Variants in PLXDC2 observed in about 807,000 individuals in gnomAD.
PLXDC2 encodes plexin domain-containing protein 2.
In PLXDC2, 40 loss-of-function variants were observed where a neutral mutation model predicts 68.9. The ratio of observed to expected loss-of-function variants is 0.58; its 90% CI spans 0.45 to 0.76. PLXDC2 has a LOEUF of 0.76. Among genes scored for constraint, PLXDC2 ranks in the 30% least tolerant of loss-of-function variants. The probability of loss-of-function intolerance (pLI) is 0.00; values close to 1 mark genes in which losing one functional copy is unlikely to be tolerated. For missense variants in PLXDC2, 644 were observed against 661.9 expected (o/e 0.97, Z 0.30); for synonymous variants, 243 against 234.2 (o/e 1.04, Z -0.34).
chr10:19,890,544 T>G (rs1486214950), intron 1 of PLXDC2, among the ~76,000 whole-genome samples: 2 of 149,222 alleles, frequency 1.3e-5, no homozygotes, highest in Non-Finnish European at 3.0e-5. Flanking sequence ...GAGACGGGGT[T>G]TTTTTTTTTT....
chr10:20,044,819 A>C (rs767551688), intron 2 of PLXDC2, among the ~76,000 whole-genome samples: 1 of 152,168 alleles, frequency 6.6e-6, no homozygotes, highest in Non-Finnish European at 1.5e-5. Flanking sequence ...AACCACTGTG[A>C]CCAGTGTAAT....
chr10:20,117,657 A>T (rs1331186903), intron 4 of PLXDC2, among the ~76,000 whole-genome samples: 1 of 152,198 alleles, frequency 6.6e-6, no homozygotes, highest in Admixed American at 6.5e-5. Context: ...AGCAGTAAGA[A>T]TAGGATGGAA....
intron 9 of PLXDC2, among the ~76,000 whole-genome samples, chr10:20,189,436 C>A (rs898795947): frequency 1.8e-5 from 2 of 112,174 alleles, no homozygotes; most frequent in Non-Finnish European, 3.6e-5. Context: ...ATAAAACCAT[C>A]GATAAACAAA....
chr10:19,998,479 G>T (rs534494226), intron 1 of PLXDC2, among the ~76,000 whole-genome samples: 1 of 152,060 alleles, frequency 6.6e-6, no homozygotes, highest in South Asian at 2.1e-4. Flanking sequence ...CTCTATGCAC[G>T]ACCAGGTAGC....
At chr10:20,164,339 T>C (rs1834344314) in intron 6 of PLXDC2, 129 bp from the exon 7 acceptor site, 1 of 742,404 alleles carries the variant, frequency 1.3e-6, no homozygotes, top group Non-Finnish European at 2.3e-6. Context: ...TTCTAATACC[T>C]TTGACTCCCT....
chr10:19,857,311 C>A (rs572925682), intron 1 of PLXDC2, among the ~76,000 whole-genome samples: 1 of 152,242 alleles, frequency 6.6e-6, no homozygotes, highest in African/African-American at 2.4e-5. Flanking sequence ...GAACTAAATC[C>A]TCTCTCGCTG....
chr10:20,137,348 T>A (rs1468740524), intron 4 of PLXDC2, among the ~76,000 whole-genome samples: 3 of 152,220 alleles, frequency 2.0e-5, no homozygotes, highest in Admixed American at 2.0e-4. Context: ...GTTAGGTAAC[T>A]GAGGTACACA....
intron 5 of PLXDC2, among the ~76,000 whole-genome samples, chr10:20,145,358 A>G (rs545859699): frequency 5.1e-4 from 78 of 152,186 alleles, no homozygotes; most frequent in Non-Finnish European, 1.0e-3. Flanking sequence ...ATACCACAAC[A>G]ACTTGCTGAA....
intron 1 of PLXDC2, among the ~76,000 whole-genome samples, chr10:19,925,953 G>T (rs764082778): frequency 2.6e-5 from 4 of 152,166 alleles, no homozygotes; most frequent in Non-Finnish European, 5.9e-5. Context: ...TTGATCCGCT[G>T]GCATTAGAGA....
chr10:19,891,731 T>C (rs1467659), intron 1 of PLXDC2, among the ~76,000 whole-genome samples: 34,590 of 152,172 alleles, frequency 0.23, 4,843 homozygotes, highest in African/African-American at 0.38. Flanking sequence ...GCTTGTAGAT[T>C]AATTTCGTTT....
chr10:19,997,754 G>A (rs1229936513), intron 1 of PLXDC2, among the ~76,000 whole-genome samples: 2 of 152,080 alleles, frequency 1.3e-5, no homozygotes, highest in African/African-American at 4.8e-5. Flanking sequence ...TATATATGAG[G>A]ATACACATGA....
At chr10:20,223,972 ATTTTTTT>A (rs10561584) in intron 12 of PLXDC2, among the ~76,000 whole-genome samples, 4 of 133,450 alleles carry the variant, frequency 3.0e-5, no homozygotes, top group Admixed American at 7.6e-5. Flanking sequence ...CCTAGAATGT[ATTTTTTT>A]TTTTTTTTTT....
chr10:20,032,492 C>T (rs1344445213), intron 2 of PLXDC2, among the ~76,000 whole-genome samples: 3 of 152,092 alleles, frequency 2.0e-5, no homozygotes, highest in Non-Finnish European at 4.4e-5. Flanking sequence ...GATTACTCTA[C>T]TATGTAGAGA....
chr10:19,835,996 A>AC (rs1372378303), intron 1 of PLXDC2, among the ~76,000 whole-genome samples: 6 of 151,910 alleles, frequency 3.9e-5, no homozygotes, highest in African/African-American at 1.5e-4. Context: ...ACAAAGTGAG[A>AC]CCCCATCTCT....
At chr10:20,190,800 C>T (rs1450235301) in intron 9 of PLXDC2, among the ~76,000 whole-genome samples, 1 of 151,788 alleles carries the variant, frequency 6.6e-6, no homozygotes, top group African/African-American at 2.4e-5. Context: ...CAAGCCAGCT[C>T]TTTTAATATT....
chr10:19,966,728 A>G (rs948777528), intron 1 of PLXDC2, among the ~76,000 whole-genome samples: 1 of 152,084 alleles, frequency 6.6e-6, no homozygotes, highest in African/African-American at 2.4e-5. Context: ...CCACCACACT[A>G]GGCCTGAGAC....
At chr10:19,951,962 A>G (rs1032287003) in intron 1 of PLXDC2, among the ~76,000 whole-genome samples, 2 of 152,024 alleles carry the variant, frequency 1.3e-5, no homozygotes, top group Admixed American at 1.3e-4. Flanking sequence ...TCACGGACAT[A>G]AAGATGGCAA....
chr10:19,845,163 T>G (rs1193622312), intron 1 of PLXDC2, among the ~76,000 whole-genome samples: 1 of 152,120 alleles, frequency 6.6e-6, no homozygotes, highest in East Asian at 1.9e-4. Context: ...GTTCCCTGTC[T>G]ATAGAAGAAG....
At chr10:19,969,195 T>C (rs1834310493) in intron 1 of PLXDC2, among the ~76,000 whole-genome samples, 1 of 152,216 alleles carries the variant, frequency 6.6e-6, no homozygotes, top group Non-Finnish European at 1.5e-5. Flanking sequence ...CAAGATGGAC[T>C]TGTCTGTCTA....
Sources: gnomAD v4.1 joint callset for allele counts (sites outside exome capture counted in the v4.1 genomes callset) on GRCh38, gnomAD v4.1.1 for gene constraint, MANE v1.5 for transcripts, NCBI Gene and HGNC (gene_info 2026-07-23, HGNC 2026-07-21) for gene names.